Variants in PCDHGA10 observed in about 807,000 individuals in gnomAD.
PCDHGA10 encodes protocadherin gamma-A10.
Under a neutral mutation model 59.5 loss-of-function variants are expected in PCDHGA10, and 42 were observed. That is an observed-to-expected ratio of 0.71 (90% CI 0.55 to 0.91). The LOEUF is 0.91. PCDHGA10 is among the 40% of genes least tolerant of loss of function. PCDHGA10 has a pLI of 0.00. For synonymous variants in PCDHGA10, 511 were observed against 517.2 expected, an observed-to-expected ratio of 0.99 and a Z score of 0.16; for missense variants, 1,111 against 1,198.2, an observed-to-expected ratio of 0.93 and a Z score of 1.07.
intron 1 of PCDHGA10, among the ~76,000 whole-genome samples, chr5:141,433,449 T>C (rs2097611087): frequency 6.6e-6 from 1 of 152,068 alleles, no homozygotes; most frequent in Non-Finnish European, 1.5e-5. Context: ...TTGAGCAGGC[T>C]GATCTGAAAC....
In PCDHGA10 at chr5:141,413,824, A is replaced by C; in HGVS notation, c.649A>C (p.Thr217Pro). The change falls in exon 1 of 4, where the codon ACC (threonine) becomes CCC (proline). Residue 217 changes from threonine to proline, a missense_variant. Physicochemically the swap from Thr to Pro is conservative, Grantham distance 38. Transcript: ENST00000398610. ...EEEAIHHLVL[T>P]ASDGGDPLRS... The stretch of plus-strand genomic sequence containing the variant: ...AGAGGCCATTCACCACCTGGTCCTC[A>C]CCGCCTCCGACGGGGGTGACCCTCT... 6.2e-7 allele frequency: 1 copy of C among 1,613,112 alleles called. No individual in the cohort carries two copies. The highest frequency in any genetic ancestry group is 1.1e-5 in the South Asian group (1 of 91,068).
intron 1 of PCDHGA10, among the ~76,000 whole-genome samples, chr5:141,443,765 A>G (rs577762947): frequency 6.6e-6 from 1 of 152,340 alleles, no homozygotes; most frequent in East Asian, 1.9e-4. Context: ...TACAATATAC[A>G]ATATTACCAA....
rs1236959966 is a variant in PCDHGA10, at chr5:141,511,984, G to C, written c.*811G>C. On this transcript the variant is annotated 3_prime_UTR_variant, in exon 4 of 4. Transcript: ENST00000398610. ...GGGAAGTGTGTGGATGTGGATGGTGGGGGCATGGACAAAGCTTGACACATC... is the reference window on the plus strand; with the variant it reads ...GGGAAGTGTGTGGATGTGGATGGTGCGGGCATGGACAAAGCTTGACACATC... 1 of 153,294 alleles carries C rather than the reference G, an allele frequency of 6.5e-6. No individual in the cohort carries two copies. Among genetic ancestry groups the C allele is most frequent in the African/African-American group, 2.4e-5 (1 of 41,452 alleles). 9.5% of individuals were successfully genotyped at this position (153,294 alleles called of 1,614,324 possible). A position where few individuals can be genotyped will look rare whatever the true frequency, so the allele number is the denominator to read the frequency against.
At chr5:141,510,040 G>A (rs2099879305) in intron 3 of PCDHGA10, among the ~76,000 whole-genome samples, 1 of 152,220 alleles carries the variant, frequency 6.6e-6, no homozygotes, top group Non-Finnish European at 1.5e-5. Flanking sequence ...GTTATGTAGA[G>A]GTTAAAAGTG....
intron 1 of PCDHGA10, chr5:141,478,346 G>A: frequency 6.2e-7 from 1 of 1,613,794 alleles, no homozygotes; most frequent in African/African-American, 1.3e-5. Context: ...CTCCTTGCAC[G>A]CGGACGCCGT....
Position 141,486,288 on chromosome 5 carries a change from T to C in PCDHGA10, c.2437-8519T>C. 5 of 1,613,996 alleles carry C rather than the reference T, an allele frequency of 3.1e-6. No individual in the cohort carries two copies. The highest frequency in any genetic ancestry group is 4.2e-6 in the Non-Finnish European group (5 of 1,179,986). ...GAACCTGGCACTGTGGTGGCACTTA[T>C]CAGTGTGCAGGATCCAGACTCAGGG... On this transcript the variant is annotated intron_variant, in intron 1 of 3. Coordinates refer to ENST00000398610, the MANE Select transcript of PCDHGA10 (RefSeq NM_018913.3). The surrounding 1 kb of genome is among the most constrained non-coding windows in gnomAD (Gnocchi z 5.0).
At chr5:141,492,447 T>G (rs920078908) in intron 1 of PCDHGA10, among the ~76,000 whole-genome samples, 13 of 152,300 alleles carry the variant, frequency 8.5e-5, no homozygotes, top group Middle Eastern at 3.4e-3. Context: ...CGTAGCTGAT[T>G]GTGCGCGCCT....
chr5:141,421,353 G>C, intron 1 of PCDHGA10: 1 of 1,613,998 alleles, frequency 6.2e-7, no homozygotes, highest in Non-Finnish European at 8.5e-7. Flanking sequence ...AGACCGAAAA[G>C]GGCTCCTTCG....
intron 2 of PCDHGA10, among the ~76,000 whole-genome samples, chr5:141,495,758 C>T (rs2099763543): frequency 6.6e-6 from 1 of 152,122 alleles, no homozygotes; most frequent in Non-Finnish European, 1.5e-5. Flanking sequence ...ATCTCTGCCT[C>T]CCTGTCCTTG....
chr5:141,422,877 C>A, intron 1 of PCDHGA10: 1 of 1,614,246 alleles, frequency 6.2e-7, no homozygotes. Context: ...TGTCGCTGAG[C>A]CTGTTCGTGC....
At chr5:141,480,298 C>G (rs1238380283) in intron 1 of PCDHGA10, among the ~76,000 whole-genome samples, 1 of 132,676 alleles carries the variant, frequency 7.5e-6, no homozygotes, top group Non-Finnish European at 1.6e-5. Flanking sequence ...ACCTGTGGTA[C>G]CAGCTACTTG....
Position 141,477,568 on chromosome 5 carries a change from C to T in PCDHGA10, c.2437-17239C>T, listed in dbSNP as rs2099413139. The T allele has an allele frequency of 6.2e-7, 1 of 1,614,172 alleles. No individual in the cohort carries two copies. The highest frequency in any genetic ancestry group is 1.7e-4 in the Middle Eastern group (1 of 6,060). On this transcript the variant is annotated intron_variant, in intron 1 of 3. Transcript: ENST00000398610. This position sits in a 1 kb window ranked among gnomAD's most constrained non-coding sequence, Gnocchi z 4.9. ...TACTAAACCTAAGTGTCTGGGACCC[C>T]GACGCCCCGCAGAATGCTCGGCTTT...
intron 1 of PCDHGA10, among the ~76,000 whole-genome samples, chr5:141,473,785 A>G (rs1240342191): frequency 6.6e-6 from 1 of 152,226 alleles, no homozygotes; most frequent in Non-Finnish European, 1.5e-5. Context: ...TTAATTCAAG[A>G]GCAGTATGAT....
At chr5:141,427,422 G>C (rs922637577) in intron 1 of PCDHGA10, 1 of 468,292 alleles carries the variant, frequency 2.1e-6, no homozygotes, top group Non-Finnish European at 4.3e-6. Context: ...AAATGGGGAG[G>C]TTACATGCCT....
intron 1 of PCDHGA10, among the ~76,000 whole-genome samples, chr5:141,460,979 GTGTGTATATA>G (rs143444831): frequency 0.04 from 5,417 of 134,264 alleles, 125 homozygotes; most frequent in South Asian, 0.082. Context: ...GTGTGTGTGT[GTGTGTATATA>G]TATATATGTG....
chr5:141,449,876 C>G (rs924666805), intron 1 of PCDHGA10, among the ~76,000 whole-genome samples: 2 of 151,724 alleles, frequency 1.3e-5, no homozygotes, highest in Non-Finnish European at 2.9e-5. Flanking sequence ...AATTTAACAT[C>G]AATGCAATAT....
chr5:141,419,765 G>A, intron 1 of PCDHGA10: 1 of 1,614,016 alleles, frequency 6.2e-7, no homozygotes, highest in Non-Finnish European at 8.5e-7. Context: ...GGGTGACAAG[G>A]ACTCGGTCCG....
chr5:141,488,815 T>A (rs769851687), intron 1 of PCDHGA10, among the ~76,000 whole-genome samples: 30 of 152,144 alleles, frequency 2.0e-4, no homozygotes, highest in Non-Finnish European at 4.1e-4. Context: ...ATCTGAGCTG[T>A]CAAACTTTGC....
At chr5:141,448,488 C>A (rs568050769) in intron 1 of PCDHGA10, among the ~76,000 whole-genome samples, 1 of 152,280 alleles carries the variant, frequency 6.6e-6, no homozygotes, top group African/African-American at 2.4e-5. Context: ...TTCCTCCTGT[C>A]CCCTGTAGGT....
Sources: allele counts gnomAD v4.1 joint callset (sites outside exome capture counted in the v4.1 genomes callset), GRCh38; gene constraint gnomAD v4.1.1; non-coding constraint Gnocchi (gnomAD v3.1); transcripts MANE v1.5; gene names NCBI Gene and HGNC (gene_info 2026-07-23, HGNC 2026-07-21).